The following IL19 variants were observed in gnomAD, a reference collection of about 807,000 sequenced individuals.
IL19 encodes the protein interleukin-19.
Under a neutral mutation model 19.5 loss-of-function variants are expected in IL19, and 15 were observed. That is an observed-to-expected ratio of 0.77 (90% confidence interval 0.52 to 1.19). The LOEUF (loss-of-function observed/expected upper bound fraction) is 1.19, where lower values mean the gene tolerates loss of function less well. Among genes scored for constraint, IL19 ranks in the 50% most tolerant of loss-of-function variants. The pLI is 0.00. For missense variants in IL19, 199 were observed against 213.1 expected (o/e 0.93, Z 0.41); for synonymous variants, 78 against 78.3 (o/e 1.00, Z 0.02).
At chr1:206,777,807 C>T (rs1675045838) in intron 1 of IL19, among the ~76,000 whole-genome samples, 1 of 152,198 alleles carries the variant, frequency 6.6e-6, no homozygotes, top group Admixed American at 6.5e-5. Flanking sequence ...TTCTTCTTAT[C>T]CAGGACATTT....
intron 1 of IL19, among the ~76,000 whole-genome samples, chr1:206,789,427 A>G (rs1342135557): frequency 6.6e-6 from 1 of 152,190 alleles, no homozygotes; most frequent in Non-Finnish European, 1.5e-5. Flanking sequence ...TGTAAGTGAG[A>G]ACATGGGTGT....
intron 2 of IL19, among the ~76,000 whole-genome samples, chr1:206,832,493 C>T (rs1676640477): frequency 6.6e-6 from 1 of 152,138 alleles, no homozygotes. Context: ...GAGAGGGTAC[C>T]TGCCTGGCCA....
intron 2 of IL19, among the ~76,000 whole-genome samples, chr1:206,822,357 G>T (rs1245798173): frequency 1.3e-5 from 2 of 152,176 alleles, no homozygotes; most frequent in African/African-American, 4.8e-5. Context: ...CTGGAGGCTG[G>T]TGGGTGATAT....
At chr1:206,820,244 A>G (rs1676260948) in intron 2 of IL19, among the ~76,000 whole-genome samples, 1 of 152,198 alleles carries the variant, frequency 6.6e-6, no homozygotes, top group Admixed American at 6.5e-5. Flanking sequence ...AAGACAAGGG[A>G]AAGGATGAAG....
At chr1:206,780,078 C>T (rs1675096355) in intron 1 of IL19, among the ~76,000 whole-genome samples, 2 of 152,194 alleles carry the variant, frequency 1.3e-5, no homozygotes, top group Non-Finnish European at 2.9e-5. Context: ...CAGCTCTCAG[C>T]TCAGATGTTC....
intron 1 of IL19, among the ~76,000 whole-genome samples, chr1:206,788,982 C>A (rs112553481): frequency 3.9e-5 from 6 of 152,230 alleles, no homozygotes; most frequent in Non-Finnish European, 7.3e-5. Flanking sequence ...TTTACCATCT[C>A]ATCTGCTGAT....
intron 1 of IL19, among the ~76,000 whole-genome samples, chr1:206,780,367 G>A (rs577732721): frequency 6.6e-6 from 1 of 152,166 alleles, no homozygotes; most frequent in Non-Finnish European, 1.5e-5. Flanking sequence ...CTGACTGGGC[G>A]GCTGAGCATG....
intron 1 of IL19, among the ~76,000 whole-genome samples, chr1:206,780,841 T>C (rs1675111980): frequency 6.6e-6 from 1 of 152,182 alleles, no homozygotes; most frequent in East Asian, 1.9e-4. Flanking sequence ...CTGTCTAAGA[T>C]GTGTTCGGTG....
chr1:206,825,827 T>C (rs958965890), intron 2 of IL19, among the ~76,000 whole-genome samples: 1 of 152,250 alleles, frequency 6.6e-6, no homozygotes, highest in Non-Finnish European at 1.5e-5. Context: ...TCTCATTCCC[T>C]GTCATTCCTT....
chr1:206,804,103 C>T (rs1217665232), intron 2 of IL19, among the ~76,000 whole-genome samples: 1 of 152,196 alleles, frequency 6.6e-6, no homozygotes, highest in Non-Finnish European at 1.5e-5. Flanking sequence ...ACGCTTCTTG[C>T]AGGGCAGTAC....
intron 2 of IL19, among the ~76,000 whole-genome samples, chr1:206,816,625 T>A (rs1676163486): frequency 6.6e-6 from 1 of 152,122 alleles, no homozygotes; most frequent in South Asian, 2.1e-4. Flanking sequence ...CAAAGGTATT[T>A]AAAAAAAGAT....
intron 4 of IL19, 126 bp from the exon 5 acceptor site, chr1:206,839,724 T>C (rs1474085516): frequency 1.3e-6 from 1 of 784,062 alleles, no homozygotes; most frequent in Non-Finnish European, 2.1e-6. Flanking sequence ...TCTGAGACCA[T>C]TACGAATTTT....
Position 206,839,985 on chromosome 1 carries a change from A to C in IL19, c.346A>C (p.Lys116Gln). 6.2e-7 allele frequency: 1 copy of C among 1,614,216 alleles called. No individual in the cohort carries two copies. The highest frequency in any genetic ancestry group is 8.5e-7 in the Non-Finnish European group (1 of 1,180,028). Residue 116 changes from lysine (K) to glutamine (Q), a missense_variant, in exon 5 of 7, where the codon AAA becomes CAA. Physicochemically the swap from Lys to Gln is moderately conservative, Grantham distance 53. Transcript: ENST00000659997. Reference sequence around the variant, plus strand: ...TGCCAACTCTTTCCTCTACATGCAGAAAACTCTGCGGCAATGTGTGAGTCA... The same window carrying C: ...TGCCAACTCTTTCCTCTACATGCAGCAAACTCTGCGGCAATGTGTGAGTCA... ...SIANSFLYMQ[K>Q]TLRQCQEQRQ...
At chr1:206,791,956 T>C (rs761887409) in intron 1 of IL19, among the ~76,000 whole-genome samples, 1 of 152,188 alleles carries the variant, frequency 6.6e-6, no homozygotes, top group Non-Finnish European at 1.5e-5. Flanking sequence ...CATTTAACTG[T>C]GGGTGGGGAG....
At chr1:206,816,941 CT>C (rs1676172806) in intron 2 of IL19, among the ~76,000 whole-genome samples, 1 of 152,154 alleles carries the variant, frequency 6.6e-6, no homozygotes, top group South Asian at 2.1e-4. Flanking sequence ...AAAGAAACAA[CT>C]TGCTGAAAAG....
At chr1:206,813,775 G>T (rs1676076686) in intron 2 of IL19, among the ~76,000 whole-genome samples, 1 of 152,102 alleles carries the variant, frequency 6.6e-6, no homozygotes, top group Non-Finnish European at 1.5e-5. Context: ...CACTAATCAG[G>T]TATTGTTGTG....
intron 2 of IL19, among the ~76,000 whole-genome samples, chr1:206,802,461 C>T (rs1249170356): frequency 6.6e-6 from 1 of 152,054 alleles, no homozygotes; most frequent in African/African-American, 2.4e-5. Flanking sequence ...CAAGCGATTA[C>T]CCCTATTTTA....
chr1:206,784,396 T>C (rs1675216130), intron 1 of IL19, among the ~76,000 whole-genome samples: 1 of 152,134 alleles, frequency 6.6e-6, no homozygotes, highest in Admixed American at 6.6e-5. Flanking sequence ...ATCCACCAGG[T>C]CAGCACAAGA....
intron 2 of IL19, among the ~76,000 whole-genome samples, chr1:206,800,461 C>A (rs1395070604): frequency 6.6e-6 from 1 of 152,132 alleles, no homozygotes; most frequent in African/African-American, 2.4e-5. Context: ...TGCCGTAAGA[C>A]CCCAAAGAGA....
Sources: gnomAD v4.1 joint callset for allele counts (sites outside exome capture counted in the v4.1 genomes callset) on GRCh38, gnomAD v4.1.1 for gene constraint, MANE v1.5 for transcripts, NCBI Gene and HGNC (gene_info 2026-07-23, HGNC 2026-07-21) for gene names.